Variants in MFSD6 observed in about 807,000 individuals in gnomAD.
MFSD6 encodes major facilitator superfamily domain containing 6.
Under a neutral mutation model 56.3 loss-of-function variants are expected in MFSD6, and 26 were observed. That is an observed-to-expected ratio of 0.46 (90% CI 0.34 to 0.64). The LOEUF is 0.64. Ranked by LOEUF, MFSD6 falls within the 30% of genes least tolerant of loss-of-function variation. The pLI is 0.01. For synonymous variants in MFSD6, 331 were observed against 366.9 expected (o/e 0.90, Z 1.12); for missense variants, 750 against 986.2 (o/e 0.76, Z 3.21).
At chr2:190,472,968 T>G (rs543405848) in intron 4 of MFSD6, among the ~76,000 whole-genome samples, 139 of 152,248 alleles carry the variant, frequency 9.1e-4, no homozygotes, top group African/African-American at 3.2e-3. Flanking sequence ...AACCCAGAAT[T>G]TCATATCCAG....
rs148656308 is a variant in MFSD6 at position 190,425,856 on chromosome 2, A to G, written c.-53-10121A>G. Among the ~76,000 whole-genome samples the G allele has an allele frequency of 1.1e-3, 162 of 152,180 alleles. 1 individual carries two copies. Among genetic ancestry groups the G allele is most frequent in the African/African-American group, 3.8e-3 (158 of 41,532 alleles). On this transcript the variant is annotated intron_variant, in intron 2 of 7. Transcript: ENST00000392328. The surrounding 1 kb of genome is among the most constrained non-coding windows in gnomAD (Gnocchi z 4.3). ...CTGGATATAGCATTCTGCATTGACA[A>G]TTCTTTTCTTTTAGCACTTAAAAAA...
intron 2 of MFSD6, among the ~76,000 whole-genome samples, chr2:190,428,052 C>T (rs986128463): frequency 2.0e-5 from 3 of 152,162 alleles, no homozygotes; most frequent in Admixed American, 2.0e-4. Context: ...CTTTTAATAC[C>T]ATAACTTAGT....
chr2:190,451,686 T>G lies in MFSD6; in HGVS notation c.1532+14125T>G, dbSNP rs1165102599. On this transcript the variant is annotated intron_variant, in intron 3 of 7. Coordinates refer to ENST00000392328, the MANE Select transcript of MFSD6 (RefSeq NM_017694.4). The surrounding 1 kb of genome is among the most constrained non-coding windows in gnomAD (Gnocchi z 5.0). ...AGTGGCATTTGAGCAGAGTCCTGAA[T>G]GGAAGCCCCCAGTGAAGATCTTGGG... Among the ~76,000 whole-genome samples the G allele has an allele frequency of 1.3e-5, 2 of 152,144 alleles. No individual in the cohort carries two copies. The highest frequency in any genetic ancestry group is 4.8e-5 in the African/African-American group (2 of 41,426).
chr2:190,445,459 A>C (rs946723893), intron 3 of MFSD6, among the ~76,000 whole-genome samples: 5 of 148,160 alleles, frequency 3.4e-5, no homozygotes, highest in African/African-American at 1.2e-4. Context: ...CCCAATCACA[A>C]AAAAAAAAAC....
Position 190,451,896 on chromosome 2 carries a change from G to A in MFSD6, c.1532+14335G>A, listed in dbSNP as rs569680479. 6.6e-6 allele frequency among the ~76,000 whole-genome samples: 1 copy of A among 152,220 alleles called. No individual in the cohort carries two copies. The highest frequency in any genetic ancestry group is 1.5e-5 in the Non-Finnish European group (1 of 68,036). ...GCTTTTATGTTTTTTGAAGGCAATT[G>A]CTTGGGCAGAGGATTTCTTATTATT... On this transcript the variant is annotated intron_variant, in intron 3 of 7. Coordinates refer to ENST00000392328, the MANE Select transcript of MFSD6 (RefSeq NM_017694.4). This position sits in a 1 kb window ranked among gnomAD's most constrained non-coding sequence, Gnocchi z 5.0.
At position 190,501,712 on chromosome 2, in the gene MFSD6, T is replaced by C. The variant is rs899460848; in HGVS notation, c.*1494T>C. The stretch of plus-strand genomic sequence containing the variant: ...CATTTGGGATAAGAAATTCTACACT[T>C]GGATGTCTCGCTTCACAATAAAACA... On this transcript the variant is annotated 3_prime_UTR_variant, in exon 8 of 8. Coordinates refer to ENST00000392328, the MANE Select transcript of MFSD6 (RefSeq NM_017694.4). 6.6e-6 allele frequency: 1 copy of C among 152,586 alleles called. No homozygotes were observed. Among genetic ancestry groups the C allele is most frequent in the Non-Finnish European group, 1.5e-5 (1 of 68,032 alleles). The allele number at this position is 152,586 out of a possible 1,614,324, so 9.5% of individuals were successfully genotyped here. A position where few individuals can be genotyped will look rare whatever the true frequency, so the allele number is the denominator to read the frequency against.
Position 190,498,289 on chromosome 2 carries a change from C to T in MFSD6, c.2172+570C>T, listed in dbSNP as rs972291379. Among the ~76,000 whole-genome samples, 7 of 152,090 alleles carry T rather than the reference C, an allele frequency of 4.6e-5. No individual in the cohort carries two copies. Among genetic ancestry groups the T allele is most frequent in the East Asian group, 1.9e-4 (1 of 5,196 alleles). On this transcript the variant is annotated intron_variant, in intron 7 of 7. Transcript: ENST00000392328. The surrounding 1 kb of genome is among the most constrained non-coding windows in gnomAD (Gnocchi z 5.9). Reference sequence around the variant, plus strand: ...TGTGGATAATTGTACAGGTGTATCCCGACTTTGGAAAATGAGTGTAACTTC... The same window carrying T: ...TGTGGATAATTGTACAGGTGTATCCTGACTTTGGAAAATGAGTGTAACTTC...
Position 190,490,577 on chromosome 2 carries a change from A to T in MFSD6, c.1891+711A>T, listed in dbSNP as rs1029189833. On this transcript the variant is annotated intron_variant, in intron 6 of 7. Transcript: ENST00000392328. This position sits in a 1 kb window ranked among gnomAD's most constrained non-coding sequence, Gnocchi z 4.5. ...GACTCCCTCTCAAAAAAAAAACAAA[A>T]AACAAAGACAAAAATGTCAAGACCT... Among the ~76,000 whole-genome samples, 1 of 151,918 alleles carries T rather than the reference A, an allele frequency of 6.6e-6. No homozygotes were observed. Among genetic ancestry groups the T allele is most frequent in the Non-Finnish European group, 1.5e-5 (1 of 68,020 alleles).
intron 1 of MFSD6, chr2:190,411,490 T>C: frequency 3.0e-6 from 3 of 985,326 alleles, no homozygotes; most frequent in Non-Finnish European, 3.6e-6. Flanking sequence ...TGAGACAAGA[T>C]GGAGAAAAGA....
Position 190,413,550 on chromosome 2 carries a change from C to T in MFSD6, c.-175-1742C>T, listed in dbSNP as rs932631803. On this transcript the variant is annotated intron_variant, in intron 1 of 7. Coordinates refer to ENST00000392328, the MANE Select transcript of MFSD6 (RefSeq NM_017694.4). The surrounding 1 kb of genome is among the most constrained non-coding windows in gnomAD (Gnocchi z 4.1). ...GACCAAGAGTGGGATGGGGGAAAGA[C>T]AGGGAAAGACAGGGACACTATGAAT... Among the ~76,000 whole-genome samples the T allele has an allele frequency of 3.3e-5, 5 of 152,056 alleles. No individual in the cohort carries two copies. The highest frequency in any genetic ancestry group is 1.2e-4 in the African/African-American group (5 of 41,386).
At chr2:190,475,518 C>T (rs1200405601) in intron 4 of MFSD6, among the ~76,000 whole-genome samples, 1 of 152,094 alleles carries the variant, frequency 6.6e-6, no homozygotes, top group Admixed American at 6.5e-5. Flanking sequence ...TATGAAGGAC[C>T]TCTTCAAGGA....
chr2:190,436,090 G>A lies in MFSD6; in HGVS notation c.61G>A (p.Val21Met). ...DDEEEQKRKY[V>M]LADPFNGISR... The stretch of plus-strand genomic sequence containing the variant: ...TGAAGAGGAACAGAAGAGAAAGTAT[G>A]TGCTTGCAGATCCCTTTAATGGTAT... The change falls in exon 3 of 8, where the codon GTG becomes ATG. Residue 21 changes from valine (V) to methionine (M), a missense_variant. Around this residue, in one of 5 missense-constraint regions of MFSD6, gnomAD observed 76 missense variants for 101.9 expected, o/e 0.75. Transcript: ENST00000392328. This position sits in a 1 kb window ranked among gnomAD's most constrained non-coding sequence, Gnocchi z 5.3. The A allele has an allele frequency of 6.2e-7, 1 of 1,614,200 alleles. No individual in the cohort carries two copies. Among genetic ancestry groups the A allele is most frequent in the Non-Finnish European group, 8.5e-7 (1 of 1,180,038 alleles).
In MFSD6 at chr2:190,431,445, G is replaced by C. The variant is rs551872655; in HGVS notation, c.-53-4532G>C. On this transcript the variant is annotated intron_variant, in intron 2 of 7. Coordinates refer to ENST00000392328, the MANE Select transcript of MFSD6 (RefSeq NM_017694.4). The surrounding 1 kb of genome is among the most constrained non-coding windows in gnomAD (Gnocchi z 4.4). ...TCACTGAGTGAACGAGACTCCGTCT[G>C]CAATCCCGGCACCTCTGGAGGCCGA... Among the ~76,000 whole-genome samples the C allele has an allele frequency of 2.0e-5, 3 of 152,254 alleles. No individual in the cohort carries two copies. Among genetic ancestry groups the C allele is most frequent in the Non-Finnish European group, 4.4e-5 (3 of 68,038 alleles).
chr2:190,429,120 A>G (rs965892624), intron 2 of MFSD6, among the ~76,000 whole-genome samples: 6 of 151,980 alleles, frequency 3.9e-5, no homozygotes, highest in Non-Finnish European at 5.9e-5. Context: ...TGCCTATTCA[A>G]GCTTTTTGCT....
chr2:190,479,057 T>G (rs998134581), intron 4 of MFSD6, among the ~76,000 whole-genome samples: 6 of 152,184 alleles, frequency 3.9e-5, no homozygotes, highest in Non-Finnish European at 8.8e-5. Flanking sequence ...TCTTGCAGTT[T>G]CTTGATTGTC....
chr2:190,427,727 CT>C (rs71027219), intron 2 of MFSD6, among the ~76,000 whole-genome samples: 62,194 of 148,514 alleles, frequency 0.42, 14,069 homozygotes, highest in African/African-American at 0.61. Context: ...AAGTCTACCA[CT>C]TTTTTTTTTT....
At chr2:190,474,910 A>T (rs1688196043) in intron 4 of MFSD6, among the ~76,000 whole-genome samples, 2 of 152,286 alleles carry the variant, frequency 1.3e-5, no homozygotes, top group South Asian at 4.1e-4. Context: ...GGCTGGTTCA[A>T]CATATGCAAA....
At chr2:190,429,707 T>C (rs902254066) in intron 2 of MFSD6, among the ~76,000 whole-genome samples, 8 of 152,210 alleles carry the variant, frequency 5.3e-5, no homozygotes, top group Admixed American at 5.2e-4. Context: ...TTCCTATCTA[T>C]AAATCTTTAA....
rs1446050675 is a variant in MFSD6, at chr2:190,467,376, G to T, written c.1533-2382G>T. 6.6e-6 allele frequency among the ~76,000 whole-genome samples: 1 copy of T among 152,112 alleles called. No individual in the cohort carries two copies. The highest frequency in any genetic ancestry group is 1.9e-4 in the East Asian group (1 of 5,190). ...GCCTGTAATTCCAGCATTTTGGGAG[G>T]CCGAGGTGGGCGGACTACCTGAGGT... On this transcript the variant is annotated intron_variant, in intron 3 of 7. Coordinates refer to ENST00000392328, the MANE Select transcript of MFSD6 (RefSeq NM_017694.4). This position sits in a 1 kb window ranked among gnomAD's most constrained non-coding sequence, Gnocchi z 5.5.
Sources: allele counts gnomAD v4.1 joint callset (sites outside exome capture counted in the v4.1 genomes callset), GRCh38; gene constraint gnomAD v4.1.1; regional missense constraint gnomAD v4.1.1; non-coding constraint Gnocchi (gnomAD v3.1); transcripts MANE v1.5; gene names NCBI Gene and HGNC (gene_info 2026-07-23, HGNC 2026-07-21).